KCNMA1: variants seen among roughly 807,000 people sequenced by gnomAD.
KCNMA1 encodes Calcium-activated potassium channel subunit alpha-1.
Under a neutral mutation model 140.0 loss-of-function variants are expected in KCNMA1, and 29 were observed. That is an observed-to-expected ratio of 0.21 (90% CI 0.15 to 0.28). The LOEUF (loss-of-function observed/expected upper bound fraction) is 0.28, where lower values mean the gene tolerates loss of function less well. Ranked by LOEUF, KCNMA1 falls within the 10% of genes least tolerant of loss-of-function variation. The pLI is 1.00. For synonymous variants in KCNMA1, 612 were observed against 611.9 expected (o/e 1.00, Z 0.00); for missense variants, 880 against 1,602.2 (o/e 0.55, Z 7.70).
At chr10:77,109,415 T>C (rs1284708337) in intron 8 of KCNMA1, among the ~76,000 whole-genome samples, 2 of 149,360 alleles carry the variant, frequency 1.3e-5, no homozygotes, top group African/African-American at 5.0e-5. Flanking sequence ...CAAAAAAAAA[T>C]CTAAACTTAA....
rs201233897 is a variant in KCNMA1 at position 76,886,317 on chromosome 10, A to G, written c.*949T>C. 2 of 985,306 alleles carry G rather than the reference A, an allele frequency of 2.0e-6. No individual in the cohort carries two copies. Among genetic ancestry groups the G allele is most frequent in the South Asian group, 4.7e-5 (1 of 21,292 alleles). 61.0% of individuals were successfully genotyped at this position (985,306 alleles called of 1,614,324 possible). On this transcript the variant is annotated 3_prime_UTR_variant, in exon 28 of 28. Transcript: ENST00000286628. ...TTCCTGAGCATTATTTATTCTGTAC[A>G]TAAGGTAAGTAATTCACCTTTTAAA...
At chr10:77,419,680 C>G (rs2096826884) in intron 1 of KCNMA1, among the ~76,000 whole-genome samples, 1 of 152,120 alleles carries the variant, frequency 6.6e-6, no homozygotes, top group African/African-American at 2.4e-5. Flanking sequence ...ACTTTTCTGT[C>G]TATACTATTT....
At chr10:77,632,350 A>G (rs1246605678) in intron 1 of KCNMA1, among the ~76,000 whole-genome samples, 3 of 152,188 alleles carry the variant, frequency 2.0e-5, no homozygotes, top group African/African-American at 4.8e-5. Flanking sequence ...AGACAGGTCT[A>G]TGAGTTCTGG....
At chr10:76,967,770 A>G (rs961548240) in intron 20 of KCNMA1, among the ~76,000 whole-genome samples, 2 of 152,166 alleles carry the variant, frequency 1.3e-5, no homozygotes, top group African/African-American at 4.8e-5. Context: ...GGCAACCAAC[A>G]TGAGAAGCCC....
At chr10:77,340,449 C>A (rs12221446) in intron 2 of KCNMA1, among the ~76,000 whole-genome samples, 26,124 of 152,076 alleles carry the variant, frequency 0.17, 2,411 homozygotes, top group East Asian at 0.33. Flanking sequence ...ATAGCACGGA[C>A]TTGGAACCAA....
chr10:77,015,951 T>C (rs2091950266), intron 17 of KCNMA1, among the ~76,000 whole-genome samples: 1 of 152,174 alleles, frequency 6.6e-6, no homozygotes, highest in Non-Finnish European at 1.5e-5. Flanking sequence ...CCTCTCATTC[T>C]CTACAATGCA....
intron 2 of KCNMA1, among the ~76,000 whole-genome samples, chr10:77,308,376 T>C (rs1216076010): frequency 6.6e-6 from 1 of 152,224 alleles, no homozygotes; most frequent in East Asian, 1.9e-4. Flanking sequence ...GATGAAATGA[T>C]TGCTCATCTT....
chr10:76,893,235 C>T (rs1170699763), intron 25 of KCNMA1, among the ~76,000 whole-genome samples: 1 of 152,142 alleles, frequency 6.6e-6, no homozygotes, highest in Non-Finnish European at 1.5e-5. Flanking sequence ...CCATGAAGCA[C>T]TTAGAAACAT....
At chr10:77,479,153 C>T (rs906588380) in intron 1 of KCNMA1, among the ~76,000 whole-genome samples, 4 of 152,172 alleles carry the variant, frequency 2.6e-5, no homozygotes, top group Middle Eastern at 3.4e-3. Context: ...ATAAGCAATG[C>T]GAGGGTATTA....
chr10:77,225,985 G>A (rs1414736049), intron 3 of KCNMA1, among the ~76,000 whole-genome samples: 1 of 152,234 alleles, frequency 6.6e-6, no homozygotes, highest in African/African-American at 2.4e-5. Flanking sequence ...CTGTTGCCAA[G>A]TGACATGTGT....
chr10:76,926,006 T>G (rs1382218023), intron 23 of KCNMA1, among the ~76,000 whole-genome samples: 1 of 152,128 alleles, frequency 6.6e-6, no homozygotes, highest in Non-Finnish European at 1.5e-5. Flanking sequence ...TTGATGGTTC[T>G]TTAAAAGAAA....
intron 2 of KCNMA1, among the ~76,000 whole-genome samples, chr10:77,368,179 G>A (rs2094478427): frequency 6.6e-6 from 1 of 152,164 alleles, no homozygotes; most frequent in African/African-American, 2.4e-5. Context: ...GAGAGTTCCA[G>A]TTGCCCCCCA....
At chr10:77,250,556 C>T in intron 3 of KCNMA1, 1 of 156,530 alleles carries the variant, frequency 6.4e-6, no homozygotes, top group Non-Finnish European at 1.4e-5. Flanking sequence ...AGCACCAGTC[C>T]ATTCGGCTGG....
At chr10:76,945,028 A>G (rs2063543340) in intron 22 of KCNMA1, 63 bp from the exon 23 acceptor site, 2 of 1,378,034 alleles carry the variant, frequency 1.5e-6, no homozygotes, top group East Asian at 4.6e-5. Flanking sequence ...AGAGAGAGAG[A>G]GAGGAGCAAA....
At chr10:77,353,970 T>TGGGGGG (rs563299513) in intron 2 of KCNMA1, among the ~76,000 whole-genome samples, 6 of 92,938 alleles carry the variant, frequency 6.5e-5, no homozygotes, top group Admixed American at 1.2e-4. Context: ...CCTCTTTTTT[T>TGGGGGG]GGGGGGGGGG....
At chr10:77,548,012 A>C (rs907973344) in intron 1 of KCNMA1, among the ~76,000 whole-genome samples, 1 of 152,112 alleles carries the variant, frequency 6.6e-6, no homozygotes, top group Non-Finnish European at 1.5e-5. Flanking sequence ...AATTAAAAAA[A>C]AAAAATTGCC....
intron 1 of KCNMA1, 111 bp downstream of exon 1, chr10:77,637,154 G>A: frequency 8.0e-7 from 1 of 1,250,636 alleles, no homozygotes. Flanking sequence ...GGGGAAGGCA[G>A]GCGGGGATGG....
intron 19 of KCNMA1, among the ~76,000 whole-genome samples, chr10:76,982,531 A>G (rs1450386534): frequency 6.6e-6 from 1 of 152,158 alleles, no homozygotes; most frequent in Non-Finnish European, 1.5e-5. Context: ...AACCAAGGCA[A>G]GGTGGTTGGA....
At chr10:77,262,131 G>A (rs1321710390) in intron 2 of KCNMA1, among the ~76,000 whole-genome samples, 1 of 152,156 alleles carries the variant, frequency 6.6e-6, no homozygotes, top group African/African-American at 2.4e-5. Flanking sequence ...GCCCATGTTT[G>A]TTGCAGCCAA....
Sources: allele counts gnomAD v4.1 joint callset (sites outside exome capture counted in the v4.1 genomes callset), GRCh38; gene constraint gnomAD v4.1.1; transcripts MANE v1.5; gene names NCBI Gene and HGNC (gene_info 2026-07-23, HGNC 2026-07-21).